The following IGFL2 variants were observed in gnomAD, a reference collection of about 807,000 sequenced individuals.
The protein encoded by IGFL2 is insulin growth factor-like family member 2.
In IGFL2, 7 loss-of-function variants were observed where a neutral mutation model predicts 13.9. The observed-to-expected ratio is 0.51, with a 90% CI of 0.29 to 0.95. The LOEUF (loss-of-function observed/expected upper bound fraction) is 0.95, where lower values mean the gene tolerates loss of function less well. Among genes scored for constraint, IGFL2 ranks in the 40% least tolerant of loss-of-function variants. IGFL2 has a pLI of 0.08. For synonymous variants in IGFL2, 55 were observed against 55.8 expected (o/e 0.99, Z 0.07); for missense variants, 138 against 147.8 (o/e 0.93, Z 0.34).
At chr19:46,205,197 T>C in the IGFL2 span, among the ~76,000 whole-genome samples, 1 of 152,194 alleles carries the variant, frequency 6.6e-6, no homozygotes, top group Non-Finnish European at 1.5e-5. Context: ...TTTCTTTTAA[T>C]GAAAAGCACC....
chr19:46,154,351 G>A (rs1167476825), intron 1 of IGFL2, among the ~76,000 whole-genome samples: 1 of 152,150 alleles, frequency 6.6e-6, no homozygotes, highest in Non-Finnish European at 1.5e-5. Context: ...GCCAGGGTTT[G>A]AGGCTGTCTC....
intron 1 of IGFL2, among the ~76,000 whole-genome samples, chr19:46,153,768 G>A (rs1973643342): frequency 1.3e-5 from 2 of 149,922 alleles, no homozygotes. Flanking sequence ...TTTTAGCTGG[G>A]TTCTTTTTTT....
chr19:46,142,383 T>C (rs187770399), upstream of IGFL2, among the ~76,000 whole-genome samples: 5 of 152,352 alleles, frequency 3.3e-5, no homozygotes, highest in Non-Finnish European at 7.4e-5. Flanking sequence ...CTTAAAAAGC[T>C]TTCTAGCAGT....
At chr19:46,113,348 G>A in the IGFL2 span, 1 of 335,212 alleles carries the variant, frequency 3.0e-6, no homozygotes, top group Non-Finnish European at 5.9e-6. Context: ...GTTGTTGGAT[G>A]TATTCAGAAA....
At chr19:46,214,888 T>TGC in the IGFL2 span, 1 of 122,402 alleles carries the variant, frequency 8.2e-6, no homozygotes, top group Non-Finnish European at 1.9e-5. Context: ...AACACACGCG[T>TGC]GCGCGCACAC....
the IGFL2 span, among the ~76,000 whole-genome samples, chr19:46,117,140 T>A: frequency 6.6e-6 from 1 of 152,212 alleles, no homozygotes; most frequent in Non-Finnish European, 1.5e-5. Flanking sequence ...TTAAAATAAT[T>A]TTAAGCTTTA....
the IGFL2 span, among the ~76,000 whole-genome samples, chr19:46,181,503 A>G: frequency 5.9e-5 from 9 of 152,350 alleles, no homozygotes; most frequent in Middle Eastern, 3.4e-3. Flanking sequence ...CTACCTCTGT[A>G]GATCACATCA....
chr19:46,133,520 G>A, the IGFL2 span, among the ~76,000 whole-genome samples: 1 of 152,206 alleles, frequency 6.6e-6, no homozygotes, highest in Non-Finnish European at 1.5e-5. Context: ...TGCTGAGAGA[G>A]GCAAAAGCAC....
the IGFL2 span, chr19:46,137,308 T>G: frequency 9.5e-7 from 1 of 1,055,630 alleles, no homozygotes; most frequent in South Asian, 1.3e-5. Flanking sequence ...ATTATCTCCT[T>G]CGTAGGCTCA....
chr19:46,137,376 A>G, the IGFL2 span: 7 of 1,101,326 alleles, frequency 6.4e-6, no homozygotes, highest in Admixed American at 5.1e-5. Flanking sequence ...TGTAGTGTAG[A>G]CAGATATGTT....
At chr19:46,157,272 A>C (rs759667577) in intron 1 of IGFL2, among the ~76,000 whole-genome samples, 25 of 152,220 alleles carry the variant, frequency 1.6e-4, no homozygotes, top group African/African-American at 2.9e-4. Context: ...TCATTTCATA[A>C]AATCAGAGTT....
chr19:46,145,153 A>T (rs1973053082), upstream of IGFL2, among the ~76,000 whole-genome samples: 1 of 152,144 alleles, frequency 6.6e-6, no homozygotes, highest in Non-Finnish European at 1.5e-5. Context: ...AGTGTGAATG[A>T]TGGGTTGTAT....
At chr19:46,191,009 A>G in the IGFL2 span, among the ~76,000 whole-genome samples, 2 of 152,048 alleles carry the variant, frequency 1.3e-5, no homozygotes, top group Non-Finnish European at 2.9e-5. Flanking sequence ...CACCATCCCC[A>G]CAATGCCAGC....
At chr19:46,147,611 C>T (rs542041634), upstream of IGFL2, among the ~76,000 whole-genome samples, 126 of 152,290 alleles carry the variant, frequency 8.3e-4, 2 homozygotes, top group Middle Eastern at 0.017. Flanking sequence ...CTGGGAAGAT[C>T]GTGACCCCAT....
chr19:46,145,982 A>G (rs1345942918), upstream of IGFL2, among the ~76,000 whole-genome samples: 1 of 152,114 alleles, frequency 6.6e-6, no homozygotes. Flanking sequence ...TTAACTTTAA[A>G]ATTTTGATAA....
the IGFL2 span, among the ~76,000 whole-genome samples, chr19:46,110,476 A>T: frequency 6.6e-6 from 1 of 152,148 alleles, no homozygotes; most frequent in East Asian, 1.9e-4. Flanking sequence ...CTAATATTAT[A>T]CTTTCATATT....
chr19:46,201,817 A>T, the IGFL2 span, among the ~76,000 whole-genome samples: 1 of 152,180 alleles, frequency 6.6e-6, no homozygotes, highest in Non-Finnish European at 1.5e-5. Flanking sequence ...GTCCAGGAAT[A>T]GTCAGGGTAG....
chr19:46,149,177 TC>T (rs1973318137), intron 1 of IGFL2: 2 of 192,216 alleles, frequency 1.0e-5, no homozygotes, highest in Non-Finnish European at 2.9e-5. Flanking sequence ...CTCTCTCTCT[TC>T]TCTCTCTCTT....
chr19:46,093,762 A>G, the IGFL2 span, among the ~76,000 whole-genome samples: 11 of 152,208 alleles, frequency 7.2e-5, no homozygotes, highest in Admixed American at 3.9e-4. Context: ...CTATGGCACA[A>G]TTCAAATTTG....
Sources: allele counts gnomAD v4.1 joint callset (sites outside exome capture counted in the v4.1 genomes callset), GRCh38; gene constraint gnomAD v4.1.1; transcripts MANE v1.5; gene names NCBI Gene and HGNC (gene_info 2026-07-23, HGNC 2026-07-21).